LGR4: variants seen among roughly 807,000 people sequenced by gnomAD.
LGR4 encodes the protein leucine rich repeat containing G protein-coupled receptor 4.
A neutral mutation model predicts 84.8 loss-of-function variants in LGR4; 44 were observed. That is an observed-to-expected ratio of 0.52 (90% CI 0.41 to 0.67). The LOEUF is 0.67. Among genes scored for constraint, LGR4 ranks in the 30% least tolerant of loss-of-function variants. The pLI, the probability that LGR4 is intolerant of heterozygous loss-of-function variation, is 0.00. For missense variants in LGR4, 1,032 were observed against 1,131.4 expected (o/e 0.91, Z 1.26); for synonymous variants, 429 against 434.3 (o/e 0.99, Z 0.15).
rs750474195 is a variant in LGR4, at chr11:27,368,694, C to T, written c.2029G>A (p.Gly677Ser). The change falls in exon 18 of 18, where the codon GGC (glycine) becomes AGC (serine). Residue 677 changes from glycine to serine, a missense_variant. Gly to Ser is a moderately conservative substitution (Grantham distance 56). Coordinates refer to ENST00000379214, the MANE Select transcript of LGR4 (RefSeq NM_018490.5). Reference sequence around the variant, plus strand: ...CCTCTATGGAAAAGGGGAAAACAGCCTGCTACTGTAGCACCTAGGAAAGCC... The same window carrying T: ...CCTCTATGGAAAAGGGGAAAACAGCTTGCTACTGTAGCACCTAGGAAAGCC... ...LLAFLGATVA[G>S]CFPLFHRGEY... is the part of the protein sequence containing the mutation. 4 of 1,613,874 alleles carry T rather than the reference C, an allele frequency of 2.5e-6. No homozygotes were observed. Among genetic ancestry groups the T allele is most frequent in the Non-Finnish European group, 3.4e-6 (4 of 1,179,910 alleles).
intron 1 of LGR4, among the ~76,000 whole-genome samples, chr11:27,448,758 G>A (rs1332575236): frequency 6.6e-6 from 1 of 152,130 alleles, no homozygotes; most frequent in South Asian, 2.1e-4. Context: ...TAGGTTTACT[G>A]TATTCCATTT....
chr11:27,415,997 A>G (rs956449085), intron 1 of LGR4, among the ~76,000 whole-genome samples: 6 of 152,184 alleles, frequency 3.9e-5, no homozygotes, highest in African/African-American at 1.4e-4. Context: ...CAAAAGCCAT[A>G]TAAATTATTA....
At position 27,405,906 on chromosome 11, in the gene LGR4, T is replaced by A. The variant is rs529551373; in HGVS notation, c.257+6883A>T. Among the ~76,000 whole-genome samples, 21 of 152,300 alleles carry A rather than the reference T, an allele frequency of 1.4e-4. No individual in the cohort carries two copies. In the South Asian group the frequency reaches 4.4e-3, roughly 32 times the overall value. On this transcript the variant is annotated intron_variant, in intron 2 of 17. Transcript: ENST00000379214. Reference sequence around the variant, plus strand: ...ATGAGACTACATTTATTGAAGGTCATATCTGAACAAATCATTCCCTAGCTC... The same window carrying A: ...ATGAGACTACATTTATTGAAGGTCAAATCTGAACAAATCATTCCCTAGCTC...
At chr11:27,425,444 C>A (rs1025196803) in intron 1 of LGR4, among the ~76,000 whole-genome samples, 1 of 151,902 alleles carries the variant, frequency 6.6e-6, no homozygotes, top group African/African-American at 2.4e-5. Flanking sequence ...GATTCTCCCA[C>A]CTCAGTCTCC....
At chr11:27,414,841 G>A (rs1287656592) in intron 1 of LGR4, among the ~76,000 whole-genome samples, 2 of 152,086 alleles carry the variant, frequency 1.3e-5, no homozygotes, top group Non-Finnish European at 2.9e-5. Flanking sequence ...GTAAATTGAA[G>A]CTGATTGCTT....
intron 1 of LGR4, 113 bp downstream of exon 1, chr11:27,472,005 C>G: frequency 1.3e-6 from 1 of 744,000 alleles, no homozygotes; most frequent in Non-Finnish European, 1.8e-6. Context: ...TCCCCAGGCC[C>G]GGGCGGCGGC....
rs529548194 is a variant in LGR4, at chr11:27,469,014, ACCTTGAATCCTTCT to A, written c.185+3090_185+3103del. Among the ~76,000 whole-genome samples, 566 of 152,288 alleles carry A rather than the reference ACCTTGAATCCTTCT, an allele frequency of 3.7e-3. 3 individuals carry two copies. Among genetic ancestry groups the A allele is most frequent in the Non-Finnish European group, 5.1e-3 (348 of 68,022 alleles). On this transcript the variant is annotated intron_variant, in intron 1 of 17. Coordinates refer to ENST00000379214, the MANE Select transcript of LGR4 (RefSeq NM_018490.5). ...AGTTATTAGCACAAATACAGTAATA[ACCTTGAATCCTTCT>A]GATTAAACTTCGGAATTTTAATATT... is the stretch of plus-strand genomic sequence containing the variant.
At chr11:27,387,985 A>G (rs1034407304) in intron 4 of LGR4, among the ~76,000 whole-genome samples, 3 of 152,184 alleles carry the variant, frequency 2.0e-5, no homozygotes, top group African/African-American at 7.2e-5. Flanking sequence ...TTACTGCTAG[A>G]AAACTAGGTG....
chr11:27,404,966 A>G (rs1863576769), intron 2 of LGR4, among the ~76,000 whole-genome samples: 1 of 152,168 alleles, frequency 6.6e-6, no homozygotes, highest in Admixed American at 6.6e-5. Context: ...GTCTAGTTCT[A>G]TCTACATGCA....
At chr11:27,370,518 A>C (rs757783537) in intron 17 of LGR4, among the ~76,000 whole-genome samples, 2 of 152,208 alleles carry the variant, frequency 1.3e-5, no homozygotes, top group Non-Finnish European at 2.9e-5. Context: ...TAACAGAAGG[A>C]TCCCAGCTCT....
At chr11:27,468,980 A>C (rs1864826072) in intron 1 of LGR4, among the ~76,000 whole-genome samples, 1 of 152,206 alleles carries the variant, frequency 6.6e-6, no homozygotes, top group Non-Finnish European at 1.5e-5. Context: ...CTTGGAATGT[A>C]GGTGATTGAG....
intron 1 of LGR4, among the ~76,000 whole-genome samples, chr11:27,424,617 C>A (rs1191427904): frequency 6.6e-6 from 1 of 152,144 alleles, no homozygotes; most frequent in Non-Finnish European, 1.5e-5. Context: ...ACGGAGCTCA[C>A]GGAGCTCATC....
intron 1 of LGR4, among the ~76,000 whole-genome samples, chr11:27,454,481 C>T (rs548576021): frequency 2.6e-4 from 40 of 152,236 alleles, no homozygotes; most frequent in African/African-American, 7.5e-4. Flanking sequence ...AATTATTGGC[C>T]GGGCACAGTG....
intron 1 of LGR4, chr11:27,471,867 T>C: frequency 3.1e-6 from 1 of 318,830 alleles, no homozygotes; most frequent in Non-Finnish European, 5.7e-6. Context: ...GGTGGGAGGG[T>C]GCTTGTGCCC....
intron 1 of LGR4, among the ~76,000 whole-genome samples, chr11:27,449,187 TATA>T (rs1164992340): frequency 2.0e-5 from 3 of 152,204 alleles, no homozygotes; most frequent in Admixed American, 1.3e-4. Context: ...CCTACTTAAG[TATA>T]ATGAGTGAAT....
chr11:27,369,035 G>A lies in LGR4; in HGVS notation c.1688C>T (p.Thr563Ile). 6.2e-7 allele frequency: 1 copy of A among 1,613,856 alleles called. No homozygotes were observed. Among genetic ancestry groups the A allele is most frequent in the South Asian group, 1.1e-5 (1 of 91,072 alleles). Reference sequence around the variant, plus strand: ...AGGCAGTGATGTACAAGATGCAAATGTTGTTAAAATAACAAGCAGGTTGAA... The same window carrying A: ...AGGCAGTGATGTACAAGATGCAAATATTGTTAAAATAACAAGCAGGTTGAA... ...LFFNLLVILT[T>I]FASCTSLPSS... The change falls in exon 18 of 18, where the codon ACA becomes ATA. Residue 563 changes from threonine (T) to isoleucine (I), a missense_variant. Coordinates refer to ENST00000379214, the MANE Select transcript of LGR4 (RefSeq NM_018490.5).
At chr11:27,418,881 C>T (rs1279407134) in intron 1 of LGR4, among the ~76,000 whole-genome samples, 5 of 144,380 alleles carry the variant, frequency 3.5e-5, no homozygotes, top group African/African-American at 1.1e-4. Context: ...TTGCCCCAGG[C>T]TAGAATGCAG....
intron 1 of LGR4, among the ~76,000 whole-genome samples, chr11:27,437,926 G>A (rs1864239754): frequency 6.6e-6 from 1 of 152,022 alleles, no homozygotes; most frequent in Non-Finnish European, 1.5e-5. Context: ...TGAGATGGAA[G>A]GACAACTTGA....
chr11:27,451,569 C>T (rs985289239), intron 1 of LGR4, among the ~76,000 whole-genome samples: 5 of 152,208 alleles, frequency 3.3e-5, no homozygotes, highest in Non-Finnish European at 5.9e-5. Context: ...AGCCCATCTA[C>T]AAGACTCATG....
Sources: gnomAD v4.1 joint callset for allele counts (sites outside exome capture counted in the v4.1 genomes callset) on GRCh38, gnomAD v4.1.1 for gene constraint, MANE v1.5 for transcripts, NCBI Gene and HGNC (gene_info 2026-07-23, HGNC 2026-07-21) for gene names.